Variants in COL4A5 observed in about 807,000 individuals in gnomAD.
The protein encoded by COL4A5 is collagen type IV alpha 5 chain, also known as collagen alpha-5(IV) chain.
COL4A5 carries 26 observed loss-of-function variants against 130.2 expected under a neutral mutation model. That is an observed-to-expected ratio of 0.20 (90% CI 0.15 to 0.28). The LOEUF is 0.28. Ranked by LOEUF, COL4A5 falls within the 10% of genes least tolerant of loss-of-function variation. The pLI, the probability that COL4A5 is intolerant of heterozygous loss-of-function variation, is 1.00. For missense variants in COL4A5, 1,131 were observed against 1,344.3 expected, an observed-to-expected ratio of 0.84 and a Z score of 2.48; for synonymous variants, 496 against 439.6, an observed-to-expected ratio of 1.13 and a Z score of -1.60.
chrX:108,625,213 G>A (rs1367756321), intron 34 of COL4A5, among the ~76,000 whole-genome samples: 1 of 112,516 alleles, frequency 8.9e-6, no homozygotes, highest in East Asian at 2.8e-4. Context: ...TCAGGTCACT[G>A]CCCAGTATCT....
chrX:108,441,785 A>G (rs189332329), intron 1 of COL4A5, among the ~76,000 whole-genome samples: 144 of 111,884 alleles, frequency 1.3e-3, no homozygotes, highest in African/African-American at 4.2e-3. Context: ...TAGATGTTTG[A>G]TTAAATATAT....
chrX:108,624,145 T>G (rs1804108349), intron 33 of COL4A5, 91 bp from the exon 34 acceptor site: 1 of 669,311 alleles, frequency 1.5e-6, no homozygotes, highest in African/African-American at 2.1e-5. Flanking sequence ...AATTCACTTA[T>G]AGTTTAACAC....
intron 1 of COL4A5, among the ~76,000 whole-genome samples, chrX:108,536,802 A>T (rs1174901636): frequency 1.8e-5 from 2 of 111,866 alleles, no homozygotes; most frequent in Non-Finnish European, 3.8e-5. Flanking sequence ...AAGCTACCTA[A>T]GGAGATCATA....
chrX:108,681,718 A>G, intron 46 of COL4A5, 42 bp from the exon 47 acceptor site: 1 of 1,207,191 alleles, frequency 8.3e-7, no homozygotes, highest in Non-Finnish European at 1.1e-6. Context: ...ATTTCTTGTA[A>G]CCTTTCTCTT....
chrX:108,612,193 G>A lies in COL4A5; in HGVS notation c.2396-2718G>A, dbSNP rs868342613. On this transcript the variant is annotated intron_variant, in intron 29 of 52. Coordinates refer to ENST00000328300, the MANE Select transcript of COL4A5 (RefSeq NM_033380.3). ...AAATCTTGATCCATTATGTTTAGTG[G>A]TGAAAGACTGAATACTTTTCCCCAA... is the stretch of plus-strand genomic sequence containing the variant. Among the ~76,000 whole-genome samples the A allele has an allele frequency of 2.7e-5, 3 of 111,292 alleles. No individual in the cohort carries two copies. In the South Asian group the frequency reaches 1.1e-3, roughly 41 times the overall value.
At chrX:108,584,418 T>C (rs192664284) in intron 17 of COL4A5, 66 bp from the exon 18 acceptor site, 159 of 990,263 alleles carry the variant, frequency 1.6e-4, no homozygotes, top group Non-Finnish European at 1.8e-4. Context: ...GTTTCTCTTA[T>C]ATTCTTGAGG....
rs2068656107 is a variant in COL4A5 at position 108,692,737 on chromosome X, A to G, written c.4529-11A>G. 8.3e-7 allele frequency: 1 copy of G among 1,209,838 alleles called. No individual in the cohort carries two copies. Among genetic ancestry groups the G allele is most frequent in the Non-Finnish European group, 1.1e-6 (1 of 893,914 alleles). On this transcript the variant is annotated splice_polypyrimidine_tract_variant and intron_variant, in intron 49 of 52. Coordinates refer to ENST00000328300, the MANE Select transcript of COL4A5 (RefSeq NM_033380.3). The stretch of plus-strand genomic sequence containing the variant: ...GCAGTCCTTTACTGTTTTCTCTCCA[A>G]ATCTTTCTAGGGACGGCTGGCAGCT...
intron 16 of COL4A5, among the ~76,000 whole-genome samples, chrX:108,581,632 T>C (rs1215461550): frequency 1.8e-5 from 2 of 111,023 alleles, no homozygotes; most frequent in African/African-American, 6.5e-5. Flanking sequence ...GTCAGATACA[T>C]TGGATCATAT....
chrX:108,670,360 G>A, intron 42 of COL4A5, 124 bp downstream of exon 42: 1 of 1,101,931 alleles, frequency 9.1e-7, no homozygotes, highest in Non-Finnish European at 1.2e-6. Flanking sequence ...CTTACATAGT[G>A]GCTTATCTCT....
chrX:108,674,108 AT>A (rs1282425621), intron 42 of COL4A5, among the ~76,000 whole-genome samples: 3 of 110,993 alleles, frequency 2.7e-5, no homozygotes, highest in African/African-American at 9.8e-5. Flanking sequence ...TATGAAAAAA[AT>A]CAGAATGTGG....
At chrX:108,546,774 A>G (rs1343301587) in intron 2 of COL4A5, among the ~76,000 whole-genome samples, 2 of 111,440 alleles carry the variant, frequency 1.8e-5, no homozygotes, top group African/African-American at 6.5e-5. Flanking sequence ...GTCTTTTCAC[A>G]TAGTCCCATA....
chrX:108,575,790 T>A, intron 9 of COL4A5, 120 bp from the exon 10 acceptor site: 1 of 514,414 alleles, frequency 1.9e-6, no homozygotes, highest in Non-Finnish European at 3.4e-6. Context: ...TGAGTTGAGA[T>A]CATGCCATTG....
chrX:108,591,168 G>A lies in COL4A5; in HGVS notation c.1276G>A (p.Gly426Arg), dbSNP rs104886111. Residue 426 changes from glycine (G) to arginine (R), a missense_variant, in exon 20 of 53, where the codon GGA (glycine) becomes AGA (arginine). Physicochemically the swap from Gly to Arg is moderately radical, Grantham distance 125 (BLOSUM62 -2). Coordinates refer to ENST00000328300, the MANE Select transcript of COL4A5 (RefSeq NM_033380.3). ...CATTCCTGGACCTCCTGGACTTGAC[G>A]GACAGCCTGGGGCTCCTGGGCTTCC... ...ISIPGPPGLD[G>R]QPGAPGLPGP... The A allele has an allele frequency of 3.3e-6, 4 of 1,208,783 alleles. No homozygotes were observed. The highest frequency in any genetic ancestry group is 1.7e-5 in the African/African-American group (1 of 57,377).
rs548580346 is a variant in COL4A5 at position 108,670,348 on chromosome X, T to C, written c.3799+112T>C. ...TTTAAGAGCATATGTGCCAATTCAA[T>C]TCTTACATAGTGGCTTATCTCTTTA... On this transcript the variant is annotated intron_variant, in intron 42 of 52. Coordinates refer to ENST00000328300, the MANE Select transcript of COL4A5 (RefSeq NM_033380.3). 6.9e-4 allele frequency: 792 copies of C among 1,142,777 alleles called. 7 individuals carry two copies. The South Asian group carries it at 0.016, about 23-fold the overall frequency. The allele number at this position is 1,142,777 out of a possible 1,213,427, so 94.2% of individuals were successfully genotyped here. A position where few individuals can be genotyped will look rare whatever the true frequency, so the allele number is the denominator to read the frequency against.
intron 36 of COL4A5, among the ~76,000 whole-genome samples, chrX:108,650,956 C>A (rs1456611946): frequency 9.0e-6 from 1 of 110,809 alleles, no homozygotes; most frequent in African/African-American, 3.3e-5. Flanking sequence ...AAACAAAAAC[C>A]AAAGTGTGCT....
chrX:108,578,680 A>AT (rs746538984), intron 13 of COL4A5, among the ~76,000 whole-genome samples: 8,907 of 98,554 alleles, frequency 0.09, 1,079 homozygotes, highest in African/African-American at 0.3. Context: ...GAGATTATTA[A>AT]TTTTTTTTTT....
intron 2 of COL4A5, among the ~76,000 whole-genome samples, chrX:108,544,699 T>C (rs1423244744): frequency 1.8e-5 from 2 of 111,320 alleles, no homozygotes; most frequent in Non-Finnish European, 3.8e-5. Context: ...AGCTCCTCCT[T>C]GTACCTCTGG....
intron 1 of COL4A5, among the ~76,000 whole-genome samples, chrX:108,481,913 C>T (rs2064896419): frequency 9.0e-6 from 1 of 111,695 alleles, no homozygotes; most frequent in Non-Finnish European, 1.9e-5. Flanking sequence ...TAATCCACTC[C>T]ACCATCCCAA....
intron 2 of COL4A5, among the ~76,000 whole-genome samples, chrX:108,546,086 T>C (rs1287574916): frequency 2.7e-5 from 3 of 112,082 alleles, no homozygotes; most frequent in Non-Finnish European, 5.6e-5. Flanking sequence ...GGTCTTTTAA[T>C]TGGAACATTC....
Sources: allele counts gnomAD v4.1 joint callset (sites outside exome capture counted in the v4.1 genomes callset), GRCh38; gene constraint gnomAD v4.1.1; transcripts MANE v1.5; gene names NCBI Gene and HGNC (gene_info 2026-07-23, HGNC 2026-07-21).